Variants in GUCY1A2 observed in about 807,000 individuals in gnomAD.
GUCY1A2 encodes the protein guanylate cyclase soluble subunit alpha-2.
A neutral mutation model predicts 63.5 loss-of-function variants in GUCY1A2; 27 were observed. The ratio of observed to expected loss-of-function variants is 0.43; its 90% confidence interval spans 0.31 to 0.59. GUCY1A2 has a LOEUF of 0.59. Ranked by LOEUF, GUCY1A2 falls within the 20% of genes least tolerant of loss-of-function variation. The pLI, the probability that GUCY1A2 is intolerant of heterozygous loss-of-function variation, is 0.11. For synonymous variants in GUCY1A2, 364 were observed against 343.5 expected, an observed-to-expected ratio of 1.06 and a Z score of -0.66; for missense variants, 768 against 913.3, an observed-to-expected ratio of 0.84 and a Z score of 2.05.
At chr11:106,931,780 C>A (rs1052463074) in intron 4 of GUCY1A2, among the ~76,000 whole-genome samples, 1 of 152,062 alleles carries the variant, frequency 6.6e-6, no homozygotes, top group Non-Finnish European at 1.5e-5. Flanking sequence ...GTAGAAGAAG[C>A]AAATCTATAG....
At chr11:106,822,891 G>A (rs943813405) in intron 4 of GUCY1A2, among the ~76,000 whole-genome samples, 1 of 152,064 alleles carries the variant, frequency 6.6e-6, no homozygotes, top group African/African-American at 2.4e-5. Context: ...TGAAGGCATT[G>A]GAATGTATTC....
intron 4 of GUCY1A2, among the ~76,000 whole-genome samples, chr11:106,937,652 C>A (rs545512519): frequency 2.6e-5 from 4 of 152,132 alleles, no homozygotes; most frequent in Admixed American, 6.5e-5. Flanking sequence ...CAAATGTGAA[C>A]AAAAATACAC....
chr11:106,783,338 G>A (rs77135628), intron 5 of GUCY1A2, among the ~76,000 whole-genome samples: 6,840 of 152,232 alleles, frequency 0.045, 148 homozygotes, highest in East Asian at 0.091. Flanking sequence ...ATCACTGTTG[G>A]CCAAGCACAG....
At chr11:106,875,232 C>T (rs923259235) in intron 4 of GUCY1A2, among the ~76,000 whole-genome samples, 6 of 152,106 alleles carry the variant, frequency 3.9e-5, no homozygotes, top group African/African-American at 1.4e-4. Context: ...CTCACTCCTT[C>T]TGCCAAGATA....
chr11:106,987,946 A>C (rs1215634201), intron 1 of GUCY1A2, among the ~76,000 whole-genome samples: 1 of 152,152 alleles, frequency 6.6e-6, no homozygotes, highest in Non-Finnish European at 1.5e-5. Flanking sequence ...ACCAATTCAC[A>C]AATTAATTTT....
At chr11:106,758,465 G>A (rs946647211) in intron 6 of GUCY1A2, among the ~76,000 whole-genome samples, 1 of 152,126 alleles carries the variant, frequency 6.6e-6, no homozygotes, top group Non-Finnish European at 1.5e-5. Context: ...GTGAAGCAAC[G>A]CCACACACTG....
rs1440242027 is a variant in GUCY1A2 at position 106,721,334 on chromosome 11, C to T, written c.1837-12668G>A. On this transcript the variant is annotated intron_variant, in intron 6 of 7. Coordinates refer to ENST00000526355, the MANE Select transcript of GUCY1A2 (RefSeq NM_000855.3). ...TCGGCCTCCCAAAGTGCTGGGATTA[C>T]AGGAGTGAGCCACCGCGCCTGGCCA... Among the ~76,000 whole-genome samples the T allele has an allele frequency of 2.6e-5, 4 of 152,302 alleles. No individual in the cohort carries two copies. The East Asian group carries it at 7.7e-4, about 29-fold the overall frequency.
intron 4 of GUCY1A2, among the ~76,000 whole-genome samples, chr11:106,888,235 G>A (rs2135476196): frequency 6.6e-6 from 1 of 152,048 alleles, no homozygotes; most frequent in African/African-American, 2.4e-5. Flanking sequence ...AAGGCGGGTG[G>A]ATCATGAGGT....
intron 1 of GUCY1A2, among the ~76,000 whole-genome samples, chr11:107,004,727 T>C (rs142028923): frequency 6.6e-6 from 1 of 152,220 alleles, no homozygotes; most frequent in East Asian, 1.9e-4. Context: ...AACAGAATGG[T>C]TGGTGTAGGA....
At chr11:106,998,150 G>A (rs1007218803) in intron 1 of GUCY1A2, among the ~76,000 whole-genome samples, 1 of 152,116 alleles carries the variant, frequency 6.6e-6, no homozygotes, top group Non-Finnish European at 1.5e-5. Flanking sequence ...TGTTGTGGGG[G>A]ACATTTTCGA....
At chr11:106,747,566 C>G (rs1296237835) in intron 6 of GUCY1A2, among the ~76,000 whole-genome samples, 5 of 152,216 alleles carry the variant, frequency 3.3e-5, no homozygotes, top group African/African-American at 4.8e-5. Flanking sequence ...AGAACACATC[C>G]AGCAGTAGCT....
intron 4 of GUCY1A2, among the ~76,000 whole-genome samples, chr11:106,818,491 T>C (rs1289776904): frequency 3.3e-5 from 5 of 152,052 alleles, no homozygotes; most frequent in Non-Finnish European, 7.4e-5. Context: ...TTCTTCTCCC[T>C]CTCCTCAGAG....
chr11:106,893,376 T>G (rs2135479499), intron 4 of GUCY1A2, among the ~76,000 whole-genome samples: 1 of 152,190 alleles, frequency 6.6e-6, no homozygotes, highest in Non-Finnish European at 1.5e-5. Context: ...GAGAAAATAA[T>G]TTAGTCTTTA....
intron 4 of GUCY1A2, among the ~76,000 whole-genome samples, chr11:106,833,500 G>C (rs1435697788): frequency 6.6e-6 from 1 of 151,988 alleles, no homozygotes; most frequent in Non-Finnish European, 1.5e-5. Flanking sequence ...CCTTTTCCAA[G>C]TTTTATTTTT....
At chr11:106,869,994 A>G (rs939513369) in intron 4 of GUCY1A2, among the ~76,000 whole-genome samples, 1 of 151,894 alleles carries the variant, frequency 6.6e-6, no homozygotes, top group Non-Finnish European at 1.5e-5. Context: ...TTCTCAGGAA[A>G]CTATCGCAAG....
At chr11:106,802,371 C>T (rs1858617616) in intron 5 of GUCY1A2, among the ~76,000 whole-genome samples, 1 of 152,068 alleles carries the variant, frequency 6.6e-6, no homozygotes, top group Admixed American at 6.6e-5. Flanking sequence ...AGATACTGTG[C>T]AATAACACAA....
At chr11:106,798,496 A>G (rs541427873) in intron 5 of GUCY1A2, among the ~76,000 whole-genome samples, 1 of 152,348 alleles carries the variant, frequency 6.6e-6, no homozygotes, top group African/African-American at 2.4e-5. Context: ...CTTGATGAAC[A>G]TCAATGCAAA....
At chr11:106,717,276 C>T (rs1300560270) in intron 6 of GUCY1A2, among the ~76,000 whole-genome samples, 1 of 152,158 alleles carries the variant, frequency 6.6e-6, no homozygotes, top group African/African-American at 2.4e-5. Context: ...ATGATTAATA[C>T]TTTCTTAGGT....
chr11:106,747,291 G>A (rs1256734760), intron 6 of GUCY1A2, among the ~76,000 whole-genome samples: 1 of 144,374 alleles, frequency 6.9e-6, no homozygotes, highest in Non-Finnish European at 1.6e-5. Context: ...CCCGGCCCAT[G>A]AAATAATAAA....
Sources: allele counts gnomAD v4.1 joint callset (sites outside exome capture counted in the v4.1 genomes callset), GRCh38; gene constraint gnomAD v4.1.1; transcripts MANE v1.5; gene names NCBI Gene and HGNC (gene_info 2026-07-23, HGNC 2026-07-21).